Variants in TEX261 observed in about 807,000 individuals in gnomAD.
The protein encoded by TEX261 is protein TEX261.
In TEX261, 13 loss-of-function variants were observed where a neutral mutation model predicts 25.1. The ratio of observed to expected loss-of-function variants is 0.52; its 90% CI spans 0.34 to 0.82. TEX261 has a LOEUF of 0.82. TEX261 is among the 40% of genes least tolerant of loss of function. TEX261 has a pLI of 0.02. For missense variants in TEX261, 206 were observed against 243.2 expected, an observed-to-expected ratio of 0.85 and a Z score of 1.02; for synonymous variants, 92 against 97.8, an observed-to-expected ratio of 0.94 and a Z score of 0.35.
intron 2 of TEX261, among the ~76,000 whole-genome samples, chr2:70,992,538 T>C (rs909731642): frequency 2.6e-5 from 4 of 152,142 alleles, no homozygotes; most frequent in Non-Finnish European, 4.4e-5. Context: ...GTGACCAGCC[T>C]GACCAACATG....
chr2:70,993,573 G>A, intron 2 of TEX261, 123 bp downstream of exon 2: 3 of 815,450 alleles, frequency 3.7e-6, no homozygotes, highest in Non-Finnish European at 6.3e-6. Context: ...AAGGAGGTAA[G>A]AGTGTATGCT....
chr2:70,989,604 AC>A (rs1435438927), intron 4 of TEX261, 144 bp downstream of exon 4: 1 of 659,496 alleles, frequency 1.5e-6, no homozygotes, highest in East Asian at 2.8e-5. Context: ...GCTTTCTCAA[AC>A]CATCTATGTT....
intron 3 of TEX261, among the ~76,000 whole-genome samples, chr2:70,990,546 A>C (rs1305231116): frequency 6.6e-6 from 1 of 152,148 alleles, no homozygotes; most frequent in African/African-American, 2.4e-5. Flanking sequence ...GCCGGTTCCC[A>C]TGGTGAGGTG....
chr2:70,987,516 A>C lies in TEX261; in HGVS notation c.*1084T>G, dbSNP rs1444180723. 6.6e-6 allele frequency: 1 copy of C among 152,630 alleles called. No homozygotes were observed. Among genetic ancestry groups the C allele is most frequent in the Non-Finnish European group, 1.5e-5 (1 of 68,038 alleles). The allele number at this position is 152,630 out of a possible 1,614,324, so 9.5% of individuals were successfully genotyped here. ...CAATATGTACTGTTGAGCACTTGCA[A>C]GGCACTATAGTTGGAGTGCAAGGTC... On this transcript the variant is annotated 3_prime_UTR_variant, in exon 6 of 6. Transcript: ENST00000272438.
chr2:70,994,872 A>G lies in TEX261; in HGVS notation c.-115T>C. 2.5e-6 allele frequency: 3 copies of G among 1,177,246 alleles called. No individual in the cohort carries two copies. Among genetic ancestry groups the G allele is most frequent in the Non-Finnish European group, 2.1e-6 (2 of 946,596 alleles). 72.9% of individuals were successfully genotyped at this position (1,177,246 alleles called of 1,614,324 possible). ...GCCGCGTCCCCGCCCCGCGGACGAC[A>G]GGACGACGGTGCGCCGCCGCCGAGA... On this transcript the variant is annotated 5_prime_UTR_variant, in exon 1 of 6. Coordinates refer to ENST00000272438, the MANE Select transcript of TEX261 (RefSeq NM_144582.3).
chr2:70,989,096 A>G (rs1348485303), intron 4 of TEX261, 79 bp from the exon 5 acceptor site: 2 of 1,251,296 alleles, frequency 1.6e-6, no homozygotes, highest in Non-Finnish European at 2.3e-6. Context: ...CGTGTTGGTC[A>G]AGAGTGCACA....
At position 70,989,759 on chromosome 2, in the gene TEX261, G is replaced by C. The variant is rs782054906; in HGVS notation, c.362C>G (p.Pro121Arg). ...CTGGACACTTCTTACCTCTGAGAAG[G>C]GATAATATTCTTCTGCAAAAAACTG... ...AFQFFAEEYY[P>R]FSEVLAYFTF... The change falls in exon 4 of 6, where the codon CCC (proline) becomes CGC (arginine). Residue 121 changes from proline (P) to arginine (R), a missense_variant. Transcript: ENST00000272438. The C allele has an allele frequency of 1.9e-6, 3 of 1,610,720 alleles. No homozygotes were observed. Among genetic ancestry groups the C allele is most frequent in the Non-Finnish European group, 2.5e-6 (3 of 1,176,892 alleles).
Position 70,988,570 on chromosome 2 carries a change from C to T in TEX261, c.*30G>A. ...GGCCCAGGGGCCTGACTCTCCTGAT[C>T]TTGCCCCCCACATCCTGCCTGCATG... is the stretch of plus-strand genomic sequence containing the variant. On this transcript the variant is annotated 3_prime_UTR_variant, in exon 6 of 6. Transcript: ENST00000272438. 6.4e-7 allele frequency: 1 copy of T among 1,568,180 alleles called. No homozygotes were observed. Among genetic ancestry groups the T allele is most frequent in the Non-Finnish European group, 8.8e-7 (1 of 1,138,204 alleles).
chr2:70,992,107 T>G, intron 2 of TEX261, 124 bp from the exon 3 acceptor site: 1 of 924,896 alleles, frequency 1.1e-6, no homozygotes, highest in Non-Finnish European at 1.5e-6. Context: ...TTCACAGGTC[T>G]GGCCTCCCCA....
chr2:70,989,889 C>G (rs545152386), intron 3 of TEX261, 73 bp from the exon 4 acceptor site: 1 of 1,177,270 alleles, frequency 8.5e-7, no homozygotes, highest in South Asian at 1.2e-5. Flanking sequence ...TCAAAAGGCC[C>G]TCAGAAGTTG....
chr2:70,988,597 G>C lies in TEX261; in HGVS notation c.*3C>G. Reference sequence around the variant, plus strand: ...TGCCCCCCACATCCTGCCTGCATGGGGGTCAGTATATCTTCTGACGACTGG... The same window carrying C: ...TGCCCCCCACATCCTGCCTGCATGGCGGTCAGTATATCTTCTGACGACTGG... On this transcript the variant is annotated 3_prime_UTR_variant, in exon 6 of 6. Transcript: ENST00000272438. The C allele has an allele frequency of 6.2e-7, 1 of 1,605,646 alleles. No individual in the cohort carries two copies. Among genetic ancestry groups the C allele is most frequent in the Middle Eastern group, 1.7e-4 (1 of 6,044 alleles).
chr2:70,990,446 A>T (rs1349059459), intron 3 of TEX261, among the ~76,000 whole-genome samples: 3 of 152,018 alleles, frequency 2.0e-5, no homozygotes, highest in African/African-American at 7.3e-5. Flanking sequence ...ACACACACAC[A>T]GCCACCCCTC....
At chr2:70,990,687 A>G (rs1276022822) in intron 3 of TEX261, among the ~76,000 whole-genome samples, 1 of 152,176 alleles carries the variant, frequency 6.6e-6, no homozygotes, top group East Asian at 1.9e-4. Flanking sequence ...CAGTTCTGCT[A>G]TGCCTAGCCA....
In TEX261 at chr2:70,991,903, G is replaced by A. The variant is rs1553425667; in HGVS notation, c.231C>T (p.Asn77=). 1 of 1,614,054 alleles carries A rather than the reference G, an allele frequency of 6.2e-7. No individual in the cohort carries two copies. Among genetic ancestry groups the A allele is most frequent in the Non-Finnish European group, 8.5e-7 (1 of 1,179,978 alleles). The stretch of plus-strand genomic sequence containing the variant: ...TCTGGAGGAGGCCAAAGTAGACGAG[G>A]TTGGTGAATAGGCCCACTCCAATCA... The part of the protein sequence containing the change: ...TSMIGVGLFT[N]LVYFGLLQTF... Residue 77 remains asparagine (N), a synonymous_variant, in exon 3 of 6, where the codon AAC becomes AAT. Coordinates refer to ENST00000272438, the MANE Select transcript of TEX261 (RefSeq NM_144582.3).
rs782082067 is a variant in TEX261, at chr2:70,994,742, G to A, written c.16C>T (p.Leu6=). 2 of 1,606,046 alleles carry A rather than the reference G, an allele frequency of 1.2e-6. No individual in the cohort carries two copies. Among genetic ancestry groups the A allele is most frequent in the South Asian group, 1.1e-5 (1 of 89,842 alleles). The change falls in exon 1 of 6, where the codon CTG becomes TTG. Residue 6 remains leucine (L), a synonymous_variant. Coordinates refer to ENST00000272438, the MANE Select transcript of TEX261 (RefSeq NM_144582.3). MWFMY[L]LSWLSLFIQV... ...ATGAAGAGCGACAGCCAGCTCAGCA[G>A]GTACATGAACCACATGGCGCCCCCA...
intron 4 of TEX261, chr2:70,989,471 T>C: frequency 2.2e-6 from 1 of 449,704 alleles, no homozygotes. Flanking sequence ...TCAGAGAAGG[T>C]CACCCTAGTA....
At chr2:70,994,375 T>C (rs1553425989) in intron 1 of TEX261, 2 of 481,508 alleles carry the variant, frequency 4.2e-6, no homozygotes, top group Admixed American at 3.8e-5. Context: ...TGGGGAAAAG[T>C]TCCGCGCGGC....
chr2:70,991,970 A>G lies in TEX261; in HGVS notation c.164T>C (p.Val55Ala). Reference protein sequence around the residue: ...IKYMIWFSTAVLIGLYVFERF... With the variant: ...IKYMIWFSTAALIGLYVFERF... ...CTCAAAGACGTAGAGGCCAATCAGT[A>G]CAGCGGTGGAGAACTGAAACAACCA... Residue 55 changes from valine (V) to alanine (A), a missense_variant, in exon 3 of 6, where the codon GTA becomes GCA. Coordinates refer to ENST00000272438, the MANE Select transcript of TEX261 (RefSeq NM_144582.3). 1 of 1,603,152 alleles carries G rather than the reference A, an allele frequency of 6.2e-7. No individual in the cohort carries two copies. The highest frequency in any genetic ancestry group is 8.5e-7 in the Non-Finnish European group (1 of 1,174,100).
Position 70,993,732 on chromosome 2 carries a change from T to C in TEX261, c.114A>G (p.Thr38=), listed in dbSNP as rs782201401. Residue 38 remains threonine, a synonymous_variant, in exon 2 of 6, where the codon ACA becomes ACG. Transcript: ENST00000272438. The stretch of plus-strand genomic sequence containing the variant: ...ATTTTATGATCCTGCTGGTGGCCAC[T>C]GTGTATTCTTCTATCAGTTCTGCCA... ...YYLAELIEEY[T]VATSRIIKYM... The C allele has an allele frequency of 3.7e-6, 6 of 1,613,466 alleles. No homozygotes were observed. In the African/African-American group the frequency reaches 6.7e-5, roughly 18 times the overall value.
Sources: allele counts gnomAD v4.1 joint callset (sites outside exome capture counted in the v4.1 genomes callset), GRCh38; gene constraint gnomAD v4.1.1; transcripts MANE v1.5; gene names NCBI Gene and HGNC (gene_info 2026-07-23, HGNC 2026-07-21).